The following OSBPL1A variants were observed in gnomAD, a reference collection of about 807,000 sequenced individuals.
The protein encoded by OSBPL1A is oxysterol-binding protein-related protein 1.
In OSBPL1A, 80 loss-of-function variants were observed where a neutral mutation model predicts 137.1. The ratio of observed to expected loss-of-function variants is 0.58; its 90% CI spans 0.49 to 0.70. The LOEUF (loss-of-function observed/expected upper bound fraction) is 0.70. OSBPL1A is among the 30% of genes least tolerant of loss of function. The probability of loss-of-function intolerance (pLI) is 0.00; values close to 1 mark genes in which losing one functional copy is unlikely to be tolerated. For synonymous variants in OSBPL1A, 365 were observed against 389.7 expected (o/e 0.94, Z 0.75); for missense variants, 970 against 1,129.4 (o/e 0.86, Z 2.02).
chr18:24,334,174 T>G, intron 6 of OSBPL1A, 71 bp downstream of exon 6: 1 of 1,265,148 alleles, frequency 7.9e-7, no homozygotes, highest in Non-Finnish European at 1.1e-6. Flanking sequence ...TACTTAACAT[T>G]AAGTAAAAAT....
intron 4 of OSBPL1A, chr18:24,358,396 T>C (rs1306828325): frequency 8.7e-6 from 6 of 693,158 alleles, no homozygotes; most frequent in Non-Finnish European, 1.6e-5. Context: ...GCAGCACTAC[T>C]TGACTTGTCC....
At chr18:24,380,926 CG>C (rs895270004) in intron 1 of OSBPL1A, among the ~76,000 whole-genome samples, 1 of 143,522 alleles carries the variant, frequency 7.0e-6, no homozygotes, top group African/African-American at 2.6e-5. Flanking sequence ...CACTCCAGCC[CG>C]GGCAATAAGA....
chr18:24,342,400 T>C (rs2091286490), intron 4 of OSBPL1A, among the ~76,000 whole-genome samples: 1 of 152,164 alleles, frequency 6.6e-6, no homozygotes, highest in South Asian at 2.1e-4. Flanking sequence ...AATTTGATGT[T>C]TGATTATCTT....
At chr18:24,380,075 G>A (rs1906473834) in intron 1 of OSBPL1A, among the ~76,000 whole-genome samples, 2 of 152,110 alleles carry the variant, frequency 1.3e-5, no homozygotes, top group African/African-American at 4.8e-5. Flanking sequence ...CACAACATAA[G>A]CATCCAAAAG....
chr18:24,388,623 A>C (rs1907100838), intron 1 of OSBPL1A, among the ~76,000 whole-genome samples: 1 of 151,896 alleles, frequency 6.6e-6, no homozygotes, highest in Non-Finnish European at 1.5e-5. Flanking sequence ...AACATGGCGA[A>C]ACTCCGTCTC....
chr18:24,383,074 T>A (rs959497220), intron 1 of OSBPL1A, among the ~76,000 whole-genome samples: 1 of 152,222 alleles, frequency 6.6e-6, no homozygotes, highest in Non-Finnish European at 1.5e-5. Flanking sequence ...TATGAATGGT[T>A]TTAAATGTCT....
intron 14 of OSBPL1A, among the ~76,000 whole-genome samples, chr18:24,284,044 G>A (rs577585596): frequency 5.9e-4 from 90 of 152,166 alleles, no homozygotes; most frequent in African/African-American, 2.1e-3. Flanking sequence ...AGAGTCAAAT[G>A]TTACTTCATT....
Position 24,211,906 on chromosome 18 carries a change from C to CT in OSBPL1A, c.1601+13135dup, listed in dbSNP as rs1339357643. 4.7e-5 allele frequency among the ~76,000 whole-genome samples: 5 copies of CT among 107,354 alleles called. No individual in the cohort carries two copies. The East Asian group carries it at 2.1e-3, about 44-fold the overall frequency. 70.4% of individuals were successfully genotyped at this position (107,354 alleles called of 152,430 possible). On this transcript the variant is annotated intron_variant, in intron 17 of 27. Coordinates refer to ENST00000319481, the MANE Select transcript of OSBPL1A (RefSeq NM_080597.4). ...CCTGGGCAACAGAGCGAAACTCCAT[C>CT]TCAAAAAAAAAAAAATCAATGCATT...
intron 13 of OSBPL1A, among the ~76,000 whole-genome samples, chr18:24,304,766 C>G (rs1418263425): frequency 6.6e-6 from 1 of 152,100 alleles, no homozygotes; most frequent in Admixed American, 6.5e-5. Flanking sequence ...TTTTTTAGTG[C>G]TTACAAAGTT....
chr18:24,295,974 C>G (rs1017075517), intron 14 of OSBPL1A, among the ~76,000 whole-genome samples: 6 of 151,560 alleles, frequency 4.0e-5, no homozygotes, highest in African/African-American at 1.5e-4. Context: ...CTTAGTATTA[C>G]TTTGGCTATT....
intron 14 of OSBPL1A, among the ~76,000 whole-genome samples, chr18:24,303,036 T>C (rs2090433096): frequency 6.6e-6 from 1 of 152,100 alleles, no homozygotes; most frequent in Non-Finnish European, 1.5e-5. Flanking sequence ...AGTCTTGCTC[T>C]GTCGCCCAGG....
At chr18:24,345,442 T>C (rs755523382) in intron 4 of OSBPL1A, among the ~76,000 whole-genome samples, 1 of 152,188 alleles carries the variant, frequency 6.6e-6, no homozygotes, top group Non-Finnish European at 1.5e-5. Context: ...ATCCCAGCAC[T>C]TTGAGAGGCC....
chr18:24,344,946 T>G (rs945982367), intron 4 of OSBPL1A, among the ~76,000 whole-genome samples: 2 of 152,014 alleles, frequency 1.3e-5, no homozygotes, highest in Admixed American at 6.6e-5. Context: ...CCCAAGTAGC[T>G]GGGACTACAG....
chr18:24,228,317 C>T (rs1217672096), intron 16 of OSBPL1A, among the ~76,000 whole-genome samples: 2 of 151,292 alleles, frequency 1.3e-5, no homozygotes, highest in African/African-American at 4.9e-5. Flanking sequence ...CCTTACTCCT[C>T]CTCTATACTT....
chr18:24,378,657 A>AGAGATGGGCTGTAT (rs1157395172), intron 1 of OSBPL1A, among the ~76,000 whole-genome samples: 2 of 152,242 alleles, frequency 1.3e-5, no homozygotes, highest in African/African-American at 4.8e-5. Context: ...TGAGGCTAAA[A>AGAGATGGGCTGTAT]GAGATGGGCT....
chr18:24,336,021 A>G (rs1355973944), intron 5 of OSBPL1A, among the ~76,000 whole-genome samples: 1 of 152,038 alleles, frequency 6.6e-6, no homozygotes, highest in Non-Finnish European at 1.5e-5. Flanking sequence ...CACTGGTTCT[A>G]TGGCTGCTGA....
chr18:24,269,937 C>A (rs765643571), intron 15 of OSBPL1A, among the ~76,000 whole-genome samples: 10 of 151,410 alleles, frequency 6.6e-5, no homozygotes, highest in Non-Finnish European at 1.3e-4. Flanking sequence ...CAAAAGTTAT[C>A]ACAATGAAAT....
At chr18:24,289,570 C>T (rs1001477638) in intron 14 of OSBPL1A, among the ~76,000 whole-genome samples, 2 of 152,004 alleles carry the variant, frequency 1.3e-5, no homozygotes, top group Non-Finnish European at 2.9e-5. Flanking sequence ...CAGGCACACG[C>T]CACAACATTC....
At chr18:24,330,670 C>G (rs956055842) in intron 7 of OSBPL1A, among the ~76,000 whole-genome samples, 1 of 151,870 alleles carries the variant, frequency 6.6e-6, no homozygotes, top group Non-Finnish European at 1.5e-5. Flanking sequence ...GTGATCCACC[C>G]GCCTCGGCCT....
Sources: gnomAD v4.1 joint callset for allele counts (sites outside exome capture counted in the v4.1 genomes callset) on GRCh38, gnomAD v4.1.1 for gene constraint, MANE v1.5 for transcripts, NCBI Gene and HGNC (gene_info 2026-07-23, HGNC 2026-07-21) for gene names.